The following FNDC3B variants were observed in gnomAD, a reference collection of about 807,000 sequenced individuals.
The protein encoded by FNDC3B is fibronectin type III domain-containing protein 3B.
In FNDC3B, 12 loss-of-function variants were observed where a neutral mutation model predicts 151.5. The ratio of observed to expected loss-of-function variants is 0.08; its 90% confidence interval spans 0.05 to 0.13. The LOEUF (loss-of-function observed/expected upper bound fraction) is 0.13, where lower values mean the gene tolerates loss of function less well. Ranked by LOEUF, FNDC3B falls within the 10% of genes least tolerant of loss-of-function variation. The pLI is 1.00. For synonymous variants in FNDC3B, 528 were observed against 549.0 expected, an observed-to-expected ratio of 0.96 and a Z score of 0.54; for missense variants, 1,214 against 1,505.3, an observed-to-expected ratio of 0.81 and a Z score of 3.20.
intron 3 of FNDC3B, among the ~76,000 whole-genome samples, chr3:172,148,735 T>A (rs1722058936): frequency 6.6e-6 from 1 of 152,234 alleles, no homozygotes; most frequent in South Asian, 2.1e-4. Context: ...TTATTAGTAA[T>A]TACAGTTACA....
chr3:172,186,641 G>C (rs956905474), intron 3 of FNDC3B: 4 of 671,442 alleles, frequency 6.0e-6, no homozygotes, highest in Non-Finnish European at 1.1e-5. Context: ...TGAAGAAAAT[G>C]GCAAGAAAAT....
chr3:172,040,497 C>T lies in FNDC3B; in HGVS notation c.-29+726C>T, dbSNP rs1252738150. On this transcript the variant is annotated intron_variant, in intron 1 of 25. Transcript: ENST00000415807. The surrounding 1 kb of genome is among the most constrained non-coding windows in gnomAD (Gnocchi z 6.6). Reference sequence around the variant, plus strand: ...TCCCCGTCCTGCCCCCCGGGCTCCCCCCGGGCTGGGGGCGGTAACCGGCGG... The same window carrying T: ...TCCCCGTCCTGCCCCCCGGGCTCCCTCCGGGCTGGGGGCGGTAACCGGCGG... 1 of 151,836 alleles carries T rather than the reference C, an allele frequency of 6.6e-6. No homozygotes were observed. The highest frequency in any genetic ancestry group is 2.0e-4 in the East Asian group (1 of 5,126). 9.4% of individuals were successfully genotyped at this position (151,836 alleles called of 1,614,324 possible). A position where few individuals can be genotyped will look rare whatever the true frequency, so the allele number is the denominator to read the frequency against.
At chr3:172,179,239 T>C (rs1050979422) in intron 3 of FNDC3B, among the ~76,000 whole-genome samples, 5 of 67,104 alleles carry the variant, frequency 7.5e-5, no homozygotes, top group Non-Finnish European at 8.4e-5. Flanking sequence ...TGTTTGTATT[T>C]TTAGTAGAGA....
intron 4 of FNDC3B, among the ~76,000 whole-genome samples, chr3:172,242,172 C>T (rs1254663476): frequency 6.6e-6 from 1 of 152,226 alleles, no homozygotes; most frequent in Non-Finnish European, 1.5e-5. Context: ...AGCTCTGCCC[C>T]TGTGGCTTTG....
intron 3 of FNDC3B, among the ~76,000 whole-genome samples, chr3:172,157,843 C>G (rs956148068): frequency 4.6e-5 from 7 of 152,168 alleles, no homozygotes; most frequent in African/African-American, 1.4e-4. Context: ...TAAATGCCTT[C>G]TGAGGTCTGA....
At chr3:172,061,450 T>G (rs2108472203) in intron 1 of FNDC3B, among the ~76,000 whole-genome samples, 1 of 152,216 alleles carries the variant, frequency 6.6e-6, no homozygotes, top group South Asian at 2.1e-4. Flanking sequence ...GCCAGGATGG[T>G]CTCGATCTCC....
intron 25 of FNDC3B, among the ~76,000 whole-genome samples, chr3:172,387,756 G>A (rs1047575218): frequency 1.3e-5 from 2 of 152,242 alleles, no homozygotes; most frequent in East Asian, 3.9e-4. Flanking sequence ...GAAACTGTCG[G>A]GTGTTTTACA....
At chr3:172,354,069 C>T (rs1057199032) in intron 22 of FNDC3B, among the ~76,000 whole-genome samples, 9 of 151,606 alleles carry the variant, frequency 5.9e-5, no homozygotes, top group Admixed American at 2.0e-4. Context: ...TCTTTTACAT[C>T]TTGAAGTAGA....
chr3:172,050,283 T>G (rs1441446431), intron 1 of FNDC3B, among the ~76,000 whole-genome samples: 1 of 152,236 alleles, frequency 6.6e-6, no homozygotes, highest in Admixed American at 6.5e-5. Flanking sequence ...ACATACCATT[T>G]ACTACCACAA....
chr3:172,091,263 T>A (rs1326643611), intron 1 of FNDC3B, among the ~76,000 whole-genome samples: 1 of 152,266 alleles, frequency 6.6e-6, no homozygotes, highest in Non-Finnish European at 1.5e-5. Context: ...CTGTCAGTGC[T>A]GTTGAAAGTT....
At chr3:172,288,648 G>A (rs1730146305) in intron 7 of FNDC3B, among the ~76,000 whole-genome samples, 1 of 152,188 alleles carries the variant, frequency 6.6e-6, no homozygotes, top group Non-Finnish European at 1.5e-5. Flanking sequence ...GCCTCAAGTA[G>A]TTACACACTC....
chr3:172,344,904 G>A (rs1340070505), intron 19 of FNDC3B, among the ~76,000 whole-genome samples: 2 of 152,180 alleles, frequency 1.3e-5, no homozygotes, highest in South Asian at 2.1e-4. Flanking sequence ...CCCAGTAACT[G>A]TGAGGCTTTT....
intron 3 of FNDC3B, among the ~76,000 whole-genome samples, chr3:172,135,164 C>A (rs1721299001): frequency 6.6e-6 from 1 of 152,032 alleles, no homozygotes; most frequent in South Asian, 2.1e-4. Flanking sequence ...GTAATAGAAT[C>A]TATAAAAGCA....
intron 6 of FNDC3B, among the ~76,000 whole-genome samples, chr3:172,263,926 A>G (rs554307834): frequency 6.6e-6 from 1 of 152,202 alleles, no homozygotes; most frequent in East Asian, 1.9e-4. Flanking sequence ...GGATTTCCTG[A>G]TCTGCCTGAC....
rs73033119 is a variant in FNDC3B, at chr3:172,303,929, C to T, written c.1062-3434C>T. On this transcript the variant is annotated intron_variant, in intron 9 of 25. Transcript: ENST00000415807. ...TTTTGTACTATATGCAGCATACTTA[C>T]ATTGCCATGCAAAATGGCTGACAAA... Among the ~76,000 whole-genome samples the T allele has an allele frequency of 2.1e-3, 327 of 152,316 alleles. 2 individuals are homozygous for T. The highest frequency in any genetic ancestry group is 7.5e-3 in the African/African-American group (310 of 41,570).
At chr3:172,218,414 G>C (rs540176095) in intron 3 of FNDC3B, among the ~76,000 whole-genome samples, 1 of 152,260 alleles carries the variant, frequency 6.6e-6, no homozygotes, top group South Asian at 2.1e-4. Context: ...TTCTTGCCAA[G>C]CTATAAGATG....
intron 22 of FNDC3B, among the ~76,000 whole-genome samples, chr3:172,362,356 TC>T (rs1288551134): frequency 6.8e-6 from 1 of 147,314 alleles, no homozygotes; most frequent in African/African-American, 2.4e-5. Context: ...TAAGATATCT[TC>T]CCTGAGACAA....
At chr3:172,091,832 A>G (rs1179475351) in intron 1 of FNDC3B, among the ~76,000 whole-genome samples, 2 of 147,408 alleles carry the variant, frequency 1.4e-5, no homozygotes, top group Non-Finnish European at 3.0e-5. Context: ...AAAATTGTGT[A>G]GCTTCTAGTA....
chr3:172,305,962 AATG>A (rs1731175497), intron 9 of FNDC3B, among the ~76,000 whole-genome samples: 1 of 152,200 alleles, frequency 6.6e-6, no homozygotes, highest in South Asian at 2.1e-4. Context: ...AGAGCATCCC[AATG>A]ATAAGCATTA....
Sources: gnomAD v4.1 joint callset for allele counts (sites outside exome capture counted in the v4.1 genomes callset) on GRCh38, gnomAD v4.1.1 for gene constraint, Gnocchi (gnomAD v3.1) non-coding constraint, MANE v1.5 for transcripts, NCBI Gene and HGNC (gene_info 2026-07-23, HGNC 2026-07-21) for gene names.